The following ANAPC1 variants were observed in gnomAD, a reference collection of about 807,000 sequenced individuals.
The protein encoded by ANAPC1 is anaphase promoting complex subunit 1.
In ANAPC1, 36 loss-of-function variants were observed where a neutral mutation model predicts 208.0. The ratio of observed to expected loss-of-function variants is 0.17; its 90% CI spans 0.13 to 0.23. The LOEUF (loss-of-function observed/expected upper bound fraction) is 0.23, where lower values mean the gene tolerates loss of function less well. Among genes scored for constraint, ANAPC1 ranks in the 10% least tolerant of loss-of-function variants. The probability of loss-of-function intolerance (pLI) is 1.00; values close to 1 mark genes in which losing one functional copy is unlikely to be tolerated. For synonymous variants in ANAPC1, 378 were observed against 695.2 expected, an observed-to-expected ratio of 0.54 and a Z score of 7.18; for missense variants, 942 against 2,011.6, an observed-to-expected ratio of 0.47 and a Z score of 10.17.
intron 47 of ANAPC1, among the ~76,000 whole-genome samples, chr2:111,770,578 T>TC (rs1676683748): frequency 6.6e-6 from 1 of 150,714 alleles, no homozygotes; most frequent in Non-Finnish European, 1.5e-5. Context: ...TATTTTTTTT[T>TC]CACGGTTTCC....
intron 7 of ANAPC1, among the ~76,000 whole-genome samples, chr2:111,866,761 G>A (rs1573500345): frequency 2.5e-5 from 3 of 118,688 alleles, no homozygotes; most frequent in Non-Finnish European, 3.5e-5. Context: ...ACTAAAAACA[G>A]ACTATTCTCC....
At chr2:111,791,999 A>G (rs527579868) in intron 38 of ANAPC1, among the ~76,000 whole-genome samples, 8 of 151,828 alleles carry the variant, frequency 5.3e-5, no homozygotes, top group African/African-American at 1.9e-4. Flanking sequence ...GCTGAAAACT[A>G]AGAAAATGTC....
intron 6 of ANAPC1, among the ~76,000 whole-genome samples, chr2:111,869,613 TA>T (rs1215379457): frequency 6.6e-6 from 1 of 152,218 alleles, no homozygotes; most frequent in Non-Finnish European, 1.5e-5. Flanking sequence ...AAAGGCTAAT[TA>T]AGTGCCAAGT....
intron 24 of ANAPC1, among the ~76,000 whole-genome samples, chr2:111,823,000 CTTTTTTT>C (rs58815496): frequency 1.1e-4 from 7 of 61,294 alleles, no homozygotes; most frequent in South Asian, 8.0e-4. Flanking sequence ...TCTTTTTATT[CTTTTTTT>C]TTTTTTTTTT....
At chr2:111,826,661 A>AT (rs35434299) in intron 21 of ANAPC1, among the ~76,000 whole-genome samples, 27,283 of 113,218 alleles carry the variant, frequency 0.24, 2,865 homozygotes, top group Middle Eastern at 0.33. Flanking sequence ...TTATTTATTT[A>AT]TTTATTTTTT....
At chr2:111,838,302 T>C (rs1011187294) in intron 18 of ANAPC1, 136 bp downstream of exon 18, 20 of 602,768 alleles carry the variant, frequency 3.3e-5, no homozygotes, top group Non-Finnish European at 4.8e-5. Flanking sequence ...TTCAAAATAA[T>C]TGCTATTCAG....
intron 6 of ANAPC1, 146 bp from the exon 7 acceptor site, chr2:111,868,242 A>G (rs1422381866): frequency 2.5e-5 from 13 of 517,002 alleles, no homozygotes; most frequent in Non-Finnish European, 4.5e-5. Context: ...CTTTGTACAT[A>G]CTATTTTTCA....
At chr2:111,879,179 T>A (rs1299791102) in intron 2 of ANAPC1, among the ~76,000 whole-genome samples, 1 of 152,232 alleles carries the variant, frequency 6.6e-6, no homozygotes, top group African/African-American at 2.4e-5. Flanking sequence ...CTATATTGAA[T>A]GTTTTATATT....
At chr2:111,820,049 A>G (rs2104425635) in intron 26 of ANAPC1, among the ~76,000 whole-genome samples, 1 of 152,376 alleles carries the variant, frequency 6.6e-6, no homozygotes, top group Non-Finnish European at 1.5e-5. Context: ...TGAATATAAG[A>G]TGCCACTGAT....
intron 17 of ANAPC1, among the ~76,000 whole-genome samples, chr2:111,838,822 A>G (rs1245226661): frequency 6.6e-6 from 1 of 152,230 alleles, no homozygotes; most frequent in Non-Finnish European, 1.5e-5. Flanking sequence ...TCTTTGGTAG[A>G]AAAAGAAACT....
chr2:111,806,840 C>T (rs1331208155), intron 29 of ANAPC1, among the ~76,000 whole-genome samples: 1 of 151,004 alleles, frequency 6.6e-6, no homozygotes, highest in Non-Finnish European at 1.5e-5. Flanking sequence ...AAACCCTTCC[C>T]TCTGAAAAAA....
intron 1 of ANAPC1, among the ~76,000 whole-genome samples, chr2:111,882,750 A>G (rs1683375987): frequency 6.6e-6 from 1 of 152,070 alleles, no homozygotes; most frequent in African/African-American, 2.4e-5. Context: ...AAAAAAAAAA[A>G]AGAAAAGTTA....
At chr2:111,846,546 T>C (rs1350013678) in intron 16 of ANAPC1, among the ~76,000 whole-genome samples, 7 of 56,466 alleles carry the variant, frequency 1.2e-4, no homozygotes, top group South Asian at 5.7e-4. Flanking sequence ...TATATATATA[T>C]ATATATATAT....
At chr2:111,771,612 G>A (rs1268043334) in intron 47 of ANAPC1, among the ~76,000 whole-genome samples, 1 of 149,868 alleles carries the variant, frequency 6.7e-6, no homozygotes, top group African/African-American at 2.5e-5. Context: ...TTTTATATTT[G>A]TTTTTGAGGG....
intron 21 of ANAPC1, among the ~76,000 whole-genome samples, chr2:111,830,340 T>C (rs985010544): frequency 2.0e-5 from 3 of 152,016 alleles, no homozygotes; most frequent in Admixed American, 6.5e-5. Flanking sequence ...AATGAAATAA[T>C]AAAAACCTTG....
At chr2:111,869,049 G>C (rs989809710) in intron 6 of ANAPC1, among the ~76,000 whole-genome samples, 7 of 152,096 alleles carry the variant, frequency 4.6e-5, no homozygotes, top group Non-Finnish European at 8.8e-5. Flanking sequence ...GTAAACATCT[G>C]CCATTTATTG....
chr2:111,810,302 T>TC (rs1174406902), intron 28 of ANAPC1, among the ~76,000 whole-genome samples: 1 of 79,098 alleles, frequency 1.3e-5, no homozygotes, highest in Non-Finnish European at 2.7e-5. Flanking sequence ...GAAGTGAAGG[T>TC]GGGGGGGGGT....
At chr2:111,853,456 A>C (rs1021563059) in intron 13 of ANAPC1, among the ~76,000 whole-genome samples, 120 of 152,034 alleles carry the variant, frequency 7.9e-4, no homozygotes, top group African/African-American at 2.8e-3. Flanking sequence ...ATTCTGTTCA[A>C]GTTTGGCAAT....
At chr2:111,875,819 T>G (rs1368080015) in intron 3 of ANAPC1, among the ~76,000 whole-genome samples, 3 of 152,210 alleles carry the variant, frequency 2.0e-5, no homozygotes, top group Non-Finnish European at 2.9e-5. Flanking sequence ...AAGTCATCTT[T>G]TTCCATAATT....
Sources: gnomAD v4.1 joint callset for allele counts (sites outside exome capture counted in the v4.1 genomes callset) on GRCh38, gnomAD v4.1.1 for gene constraint, MANE v1.5 for transcripts, NCBI Gene and HGNC (gene_info 2026-07-23, HGNC 2026-07-21) for gene names.